Variants in SYN3 observed in about 807,000 individuals in gnomAD.
The protein encoded by SYN3 is synapsin-3.
A neutral mutation model predicts 65.8 loss-of-function variants in SYN3; 35 were observed. The ratio of observed to expected loss-of-function variants is 0.53; its 90% CI spans 0.41 to 0.70. The LOEUF is 0.70. Ranked by LOEUF, SYN3 falls within the 30% of genes least tolerant of loss-of-function variation. SYN3 has a pLI of 0.00. For missense variants in SYN3, 680 were observed against 749.0 expected (o/e 0.91, Z 1.08); for synonymous variants, 270 against 292.9 (o/e 0.92, Z 0.80).
At chr22:32,698,755 T>G (rs1056421236) in intron 6 of SYN3, among the ~76,000 whole-genome samples, 2 of 152,202 alleles carry the variant, frequency 1.3e-5, no homozygotes, top group Non-Finnish European at 2.9e-5. Context: ...TTTTAGAGCA[T>G]CTATATACCC....
intron 1 of SYN3, among the ~76,000 whole-genome samples, chr22:33,008,923 TCAAAAAAAAAAAAAAAAA>T (rs2053268564): frequency 2.9e-4 from 5 of 17,236 alleles, no homozygotes; most frequent in African/African-American, 1.0e-3. Flanking sequence ...AGACTTTATC[TCAAAAAAAAAAAAAAAAA>T]AAAAAAAAAA....
intron 3 of SYN3, among the ~76,000 whole-genome samples, chr22:32,936,490 A>AAAACAAACAAAC (rs3071392): frequency 6.6e-6 from 1 of 151,522 alleles, no homozygotes; most frequent in African/African-American, 2.4e-5. Context: ...GAGAAAAAAT[A>AAAACAAACAAAC]AAACAAACAA....
intron 6 of SYN3, among the ~76,000 whole-genome samples, chr22:32,746,697 T>A (rs191318445): frequency 6.6e-6 from 1 of 152,192 alleles, no homozygotes; most frequent in Non-Finnish European, 1.5e-5. Flanking sequence ...GTCTGTGAGA[T>A]GACTGTTTCC....
At chr22:32,654,610 G>A (rs1417278753) in intron 6 of SYN3, among the ~76,000 whole-genome samples, 1 of 152,170 alleles carries the variant, frequency 6.6e-6, no homozygotes, top group Non-Finnish European at 1.5e-5. Flanking sequence ...TCTCATTCAT[G>A]TCCATATCCA....
At chr22:33,050,479 C>CAAAA (rs58653594) in intron 1 of SYN3, among the ~76,000 whole-genome samples, 7 of 108,496 alleles carry the variant, frequency 6.5e-5, no homozygotes, top group African/African-American at 1.4e-4. Context: ...GAGACTGTTT[C>CAAAA]AAAAAAAAAA....
intron 3 of SYN3, among the ~76,000 whole-genome samples, chr22:32,947,045 C>T (rs934296460): frequency 2.6e-5 from 4 of 152,114 alleles, no homozygotes; most frequent in East Asian, 1.9e-4. Context: ...CTTGGAGGAA[C>T]GAATAAATGG....
In SYN3 at chr22:32,507,822, G is replaced by C. The variant is rs2057646785; in HGVS notation, c.*5870C>G. ...TCAATTCATACAAAACCATATCCAG[G>C]CCGTCACCAATCATTCTACACAACA... is the stretch of plus-strand genomic sequence containing the variant. On this transcript the variant is annotated 3_prime_UTR_variant, in exon 14 of 14. Transcript: ENST00000358763. Among the ~76,000 whole-genome samples the C allele has an allele frequency of 6.6e-6, 1 of 151,646 alleles. No homozygotes were observed. Among genetic ancestry groups the C allele is most frequent in the Non-Finnish European group, 1.5e-5 (1 of 67,956 alleles).
chr22:32,532,032 G>A (rs73172116), intron 10 of SYN3, among the ~76,000 whole-genome samples: 1,342 of 152,094 alleles, frequency 8.8e-3, no homozygotes, highest in South Asian at 0.035. Flanking sequence ...GCTGAGACCC[G>A]GAGAGGTAGG....
rs556886463 is a variant in SYN3, at chr22:32,697,536, G to A, written c.712-100800C>T. Among the ~76,000 whole-genome samples, 5 of 152,322 alleles carry A rather than the reference G, an allele frequency of 3.3e-5. No individual in the cohort carries two copies. In the South Asian group the frequency reaches 1.0e-3, roughly 32 times the overall value. ...AATGTAATGCCTGGCACGTTGATAAGCAATCCATATAAGATGGTTGTATCA... is the reference window on the plus strand; with the variant it reads ...AATGTAATGCCTGGCACGTTGATAAACAATCCATATAAGATGGTTGTATCA... On this transcript the variant is annotated intron_variant, in intron 6 of 13. Transcript: ENST00000358763.
rs138876817 is a variant in SYN3 at position 32,702,196 on chromosome 22, G to A, written c.712-105460C>T. Among the ~76,000 whole-genome samples, 102 of 152,270 alleles carry A rather than the reference G, an allele frequency of 6.7e-4. 1 individual carries two copies. The highest frequency in any genetic ancestry group is 2.4e-3 in the African/African-American group (98 of 41,566). On this transcript the variant is annotated intron_variant, in intron 6 of 13. Coordinates refer to ENST00000358763, the MANE Select transcript of SYN3 (RefSeq NM_003490.4). The stretch of plus-strand genomic sequence containing the variant: ...ATAAAAATAAAGTAATAGAAGCATC[G>A]GCCAGGCGCTATGGCTCATGCCTGT...
At chr22:32,648,048 G>C (rs752049132) in intron 6 of SYN3, among the ~76,000 whole-genome samples, 53 of 151,916 alleles carry the variant, frequency 3.5e-4, no homozygotes, top group Non-Finnish European at 6.6e-4. Flanking sequence ...TGTAGGGATT[G>C]GGGGGGTGTC....
chr22:32,540,214 A>T (rs2058232257), intron 8 of SYN3, among the ~76,000 whole-genome samples: 1 of 152,224 alleles, frequency 6.6e-6, no homozygotes, highest in Non-Finnish European at 1.5e-5. Flanking sequence ...GGTCTAGGCA[A>T]TCCAGGTAGT....
chr22:32,715,778 CA>C (rs765122891), intron 6 of SYN3, among the ~76,000 whole-genome samples: 5,786 of 67,622 alleles, frequency 0.086, 140 homozygotes, highest in African/African-American at 0.25. Context: ...GACTCTGTCT[CA>C]AAAAAAAAAA....
chr22:32,954,580 C>T (rs2051390242), intron 3 of SYN3, among the ~76,000 whole-genome samples: 1 of 152,216 alleles, frequency 6.6e-6, no homozygotes, highest in African/African-American at 2.4e-5. Flanking sequence ...GTCCTCGCAG[C>T]CCTCTGGCTC....
chr22:32,888,832 T>A (rs1291592980), intron 4 of SYN3, among the ~76,000 whole-genome samples: 1 of 151,446 alleles, frequency 6.6e-6, no homozygotes, highest in Non-Finnish European at 1.5e-5. Flanking sequence ...CTGCTAAGGA[T>A]AATGCAAATA....
intron 6 of SYN3, among the ~76,000 whole-genome samples, chr22:32,712,181 T>C (rs1210535548): frequency 2.6e-5 from 4 of 152,222 alleles, no homozygotes; most frequent in Non-Finnish European, 5.9e-5. Context: ...TCTTTAGTTT[T>C]CTCATGGCCA....
At chr22:32,574,776 C>T (rs2058828493) in intron 7 of SYN3, among the ~76,000 whole-genome samples, 1 of 152,200 alleles carries the variant, frequency 6.6e-6, no homozygotes, top group African/African-American at 2.4e-5. Context: ...ATGGATCATC[C>T]CATCTAAAGC....
At position 32,513,591 on chromosome 22, in the gene SYN3, C is replaced by T. The variant is rs2057720140; in HGVS notation, c.*101G>A. ...GCATTTAGAAAGTATGTTCTCAGGC[C>T]CTCCATTCTGTTCCCATCAGGAACC... On this transcript the variant is annotated 3_prime_UTR_variant, in exon 14 of 14. Transcript: ENST00000358763. 2 of 1,446,320 alleles carry T rather than the reference C, an allele frequency of 1.4e-6. No homozygotes were observed. The highest frequency in any genetic ancestry group is 1.9e-6 in the Non-Finnish European group (2 of 1,064,292). The allele number at this position is 1,446,320 out of a possible 1,614,324, so 89.6% of individuals were successfully genotyped here.
rs553820168 is a variant in SYN3 at position 32,735,323 on chromosome 22, G to A, written c.711+129592C>T. Among the ~76,000 whole-genome samples, 3 of 152,298 alleles carry A rather than the reference G, an allele frequency of 2.0e-5. No homozygotes were observed. The South Asian group carries it at 6.2e-4, about 32-fold the overall frequency. ...ATAGTGGTGGCACCTACATGACAGG[G>A]TAGCTGAGGTAATATATGTAAAGTG... On this transcript the variant is annotated intron_variant, in intron 6 of 13. Coordinates refer to ENST00000358763, the MANE Select transcript of SYN3 (RefSeq NM_003490.4).
Sources: allele counts gnomAD v4.1 joint callset (sites outside exome capture counted in the v4.1 genomes callset), GRCh38; gene constraint gnomAD v4.1.1; transcripts MANE v1.5; gene names NCBI Gene and HGNC (gene_info 2026-07-23, HGNC 2026-07-21).